The following GRHL2 variants were observed in gnomAD, a reference collection of about 807,000 sequenced individuals.
GRHL2 encodes grainyhead like transcription factor 2.
GRHL2 carries 21 observed loss-of-function variants against 83.8 expected under a neutral mutation model. That is an observed-to-expected ratio of 0.25 (90% CI 0.18 to 0.36). GRHL2 has a LOEUF of 0.36. Ranked by LOEUF, GRHL2 falls within the 10% of genes least tolerant of loss-of-function variation. GRHL2 has a pLI of 1.00. For synonymous variants in GRHL2, 280 were observed against 278.9 expected (o/e 1.00, Z -0.04); for missense variants, 623 against 781.8 (o/e 0.80, Z 2.42).
chr8:101,506,917 T>C (rs117320610), intron 1 of GRHL2, among the ~76,000 whole-genome samples: 188 of 152,328 alleles, frequency 1.2e-3, no homozygotes, highest in Non-Finnish European at 2.2e-3. Flanking sequence ...TATTTCTTTT[T>C]AGTGAAGCTC....
intron 7 of GRHL2, among the ~76,000 whole-genome samples, chr8:101,583,298 CTG>C (rs1812094335): frequency 6.6e-6 from 1 of 152,188 alleles, no homozygotes; most frequent in Admixed American, 6.5e-5. Context: ...AGGTGAAAGA[CTG>C]GGATTGAAGG....
At chr8:101,552,999 C>G (rs1223803490) in intron 3 of GRHL2, among the ~76,000 whole-genome samples, 1 of 152,112 alleles carries the variant, frequency 6.6e-6, no homozygotes, top group Non-Finnish European at 1.5e-5. Flanking sequence ...CTTCAGATAC[C>G]CCTCTTCAGA....
the GRHL2 span, among the ~76,000 whole-genome samples, chr8:101,678,422 G>C: frequency 6.6e-6 from 1 of 152,100 alleles, no homozygotes; most frequent in East Asian, 1.9e-4. Context: ...CACCTGGCTC[G>C]GAGGGTCCTA....
At chr8:101,500,237 G>A (rs1810197425) in intron 1 of GRHL2, among the ~76,000 whole-genome samples, 1 of 152,190 alleles carries the variant, frequency 6.6e-6, no homozygotes, top group South Asian at 2.1e-4. Flanking sequence ...AGGAATTTTT[G>A]CTTTGGCCCA....
At chr8:101,640,861 C>T (rs1236993265) in intron 12 of GRHL2, among the ~76,000 whole-genome samples, 1 of 152,182 alleles carries the variant, frequency 6.6e-6, no homozygotes, top group East Asian at 1.9e-4. Context: ...CTCTCCAAGA[C>T]TTTATTTTCT....
chr8:101,515,176 G>GCACACACACACACACACACACA (rs4002325), intron 1 of GRHL2, among the ~76,000 whole-genome samples: 4 of 144,548 alleles, frequency 2.8e-5, no homozygotes, highest in Admixed American at 1.4e-4. Context: ...CTGTCTCTCT[G>GCACACACACACACACACACACA]CACACACACA....
intron 14 of GRHL2, among the ~76,000 whole-genome samples, chr8:101,658,486 A>G (rs1047422320): frequency 2.0e-5 from 3 of 152,218 alleles, no homozygotes; most frequent in Non-Finnish European, 4.4e-5. Flanking sequence ...AAGCAAGTGA[A>G]TAGATGCAAA....
At chr8:101,574,819 AATTTAT>A (rs1309164443) in intron 6 of GRHL2, among the ~76,000 whole-genome samples, 3 of 152,332 alleles carry the variant, frequency 2.0e-5, no homozygotes, top group East Asian at 1.9e-4. Flanking sequence ...ATAAAATAAC[AATTTAT>A]ATTTATTATC....
chr8:101,515,852 A>G (rs1158195479), intron 1 of GRHL2, among the ~76,000 whole-genome samples: 1 of 152,182 alleles, frequency 6.6e-6, no homozygotes, highest in Non-Finnish European at 1.5e-5. Flanking sequence ...TAATGTTAAT[A>G]TCAAGCTCTT....
intron 1 of GRHL2, among the ~76,000 whole-genome samples, chr8:101,540,893 G>A (rs1002062007): frequency 2.0e-4 from 30 of 151,966 alleles, no homozygotes; most frequent in African/African-American, 7.3e-4. Flanking sequence ...GCATTGTATA[G>A]TGATGAAGTC....
chr8:101,574,562 T>C (rs1358559509), intron 6 of GRHL2, among the ~76,000 whole-genome samples: 1 of 152,224 alleles, frequency 6.6e-6, no homozygotes, highest in African/African-American at 2.4e-5. Context: ...CCCACCTTAT[T>C]TTAGTCACAG....
intron 1 of GRHL2, among the ~76,000 whole-genome samples, chr8:101,505,119 C>T (rs146673996): frequency 1.3e-5 from 2 of 152,250 alleles, no homozygotes; most frequent in East Asian, 3.9e-4. Flanking sequence ...AGTAGGTATA[C>T]ATTTTGGCCG....
chr8:101,547,860 T>C (rs538085576), intron 2 of GRHL2, among the ~76,000 whole-genome samples: 2 of 152,372 alleles, frequency 1.3e-5, no homozygotes, highest in South Asian at 4.1e-4. Context: ...CAGTTCTCTA[T>C]CCAGTTTAAA....
chr8:101,509,825 C>CT (rs913386916), intron 1 of GRHL2, among the ~76,000 whole-genome samples: 6 of 151,690 alleles, frequency 4.0e-5, no homozygotes, highest in Admixed American at 2.0e-4. Context: ...TCTTCTCCTA[C>CT]TTTTTTTTAC....
chr8:101,495,841 A>G (rs1472121156), intron 1 of GRHL2, among the ~76,000 whole-genome samples: 1 of 152,190 alleles, frequency 6.6e-6, no homozygotes, highest in East Asian at 1.9e-4. Context: ...ACAGTTACAA[A>G]AATGTTTTTA....
intron 3 of GRHL2, among the ~76,000 whole-genome samples, chr8:101,553,557 A>G (rs1255357551): frequency 6.6e-6 from 1 of 151,984 alleles, no homozygotes; most frequent in African/African-American, 2.4e-5. Flanking sequence ...ATGATCCAGA[A>G]AAAGAGACAG....
At position 101,492,663 on chromosome 8, in the gene GRHL2, T is replaced by C. The variant is rs967083739; in HGVS notation, c.-107T>C. 2.3e-5 allele frequency: 20 copies of C among 885,668 alleles called. No individual in the cohort carries two copies. The highest frequency in any genetic ancestry group is 4.8e-5 in the East Asian group (2 of 41,756). The allele number at this position is 885,668 out of a possible 1,614,324, so 54.9% of individuals were successfully genotyped here. A position where few individuals can be genotyped will look rare whatever the true frequency, so the allele number is the denominator to read the frequency against. On this transcript the variant is annotated 5_prime_UTR_variant, in exon 1 of 16. Transcript: ENST00000646743. ...GCAGAATTACCTGTAGCTCTTGTTC[T>C]GCCATCTCGGGCGCTCTCACACACC...
At chr8:101,566,396 C>T (rs1811717763) in intron 4 of GRHL2, among the ~76,000 whole-genome samples, 1 of 26,720 alleles carries the variant, frequency 3.7e-5, no homozygotes, top group African/African-American at 7.7e-5. Context: ...TTTAACTTTG[C>T]AGCACCATTT....
At chr8:101,597,173 G>GAGC (rs1412272144) in intron 7 of GRHL2, among the ~76,000 whole-genome samples, 1 of 152,160 alleles carries the variant, frequency 6.6e-6, no homozygotes, top group East Asian at 1.9e-4. Flanking sequence ...CTGTTCTGGA[G>GAGC]AGCACATTTA....
Sources: allele counts gnomAD v4.1 joint callset (sites outside exome capture counted in the v4.1 genomes callset), GRCh38; gene constraint gnomAD v4.1.1; transcripts MANE v1.5; gene names NCBI Gene and HGNC (gene_info 2026-07-23, HGNC 2026-07-21).